The following HDAC4 variants were observed in gnomAD, a reference collection of about 807,000 sequenced individuals.
HDAC4 encodes histone deacetylase 4.
In HDAC4, 16 loss-of-function variants were observed where a neutral mutation model predicts 135.1. The ratio of observed to expected loss-of-function variants is 0.12; its 90% CI spans 0.08 to 0.18. HDAC4 has a LOEUF of 0.18. Among genes scored for constraint, HDAC4 ranks in the 10% least tolerant of loss-of-function variants. The pLI, the probability that HDAC4 is intolerant of heterozygous loss-of-function variation, is 1.00. For missense variants in HDAC4, 1,143 were observed against 1,511.8 expected, an observed-to-expected ratio of 0.76 and a Z score of 4.05; for synonymous variants, 685 against 653.4, an observed-to-expected ratio of 1.05 and a Z score of -0.74.
chr2:239,161,213 T>A (rs943321573), intron 6 of HDAC4, among the ~76,000 whole-genome samples: 3 of 152,224 alleles, frequency 2.0e-5, no homozygotes, highest in Admixed American at 1.3e-4. Context: ...ATATACGCAT[T>A]GTGAATATTT....
chr2:239,270,292 G>A (rs1330186439), intron 2 of HDAC4, among the ~76,000 whole-genome samples: 2 of 152,218 alleles, frequency 1.3e-5, no homozygotes, highest in Non-Finnish European at 2.9e-5. Context: ...ACCTTGGAGA[G>A]GGAAATTCTG....
At chr2:239,125,351 G>T (rs533003070) in intron 12 of HDAC4, among the ~76,000 whole-genome samples, 1 of 152,092 alleles carries the variant, frequency 6.6e-6, no homozygotes, top group African/African-American at 2.4e-5. Context: ...TGATGTGCCC[G>T]CTCCCCCTTC....
intron 24 of HDAC4, 120 bp from the exon 25 acceptor site, chr2:239,054,953 C>A: frequency 1.3e-6 from 1 of 759,858 alleles, no homozygotes. Flanking sequence ...TGCATTTGCC[C>A]ACAGAGTAGA....
chr2:239,250,052 C>T (rs781182858), intron 2 of HDAC4, among the ~76,000 whole-genome samples: 6 of 152,230 alleles, frequency 3.9e-5, no homozygotes, highest in Non-Finnish European at 5.9e-5. Flanking sequence ...GGAGGCCCAG[C>T]GCAGCATCCT....
At chr2:239,209,325 C>G (rs190601102) in intron 3 of HDAC4, among the ~76,000 whole-genome samples, 220 of 152,296 alleles carry the variant, frequency 1.4e-3, no homozygotes, top group African/African-American at 5.1e-3. Context: ...ATCTTAAAAG[C>G]TGAATATAAA....
In HDAC4 at chr2:239,120,265, G is replaced by A. The variant is rs558084224; in HGVS notation, c.1534-4955C>T. 5.3e-5 allele frequency among the ~76,000 whole-genome samples: 8 copies of A among 152,262 alleles called. No homozygotes were observed. In the South Asian group the frequency reaches 1.5e-3, roughly 28 times the overall value. The stretch of plus-strand genomic sequence containing the variant: ...AGCACAGAGGAGCTACGCAGAGCTG[G>A]GGAGCTGAAGAAACAGGGATGAGGC... On this transcript the variant is annotated intron_variant, in intron 12 of 26. Transcript: ENST00000543185.
chr2:239,163,713 A>T, intron 6 of HDAC4, 90 bp downstream of exon 6: 2 of 1,333,744 alleles, frequency 1.5e-6, no homozygotes, highest in South Asian at 2.3e-5. Flanking sequence ...CCTCCGGTGA[A>T]GAGCTGGCTC....
At chr2:239,224,293 G>T (rs56384564) in intron 3 of HDAC4, among the ~76,000 whole-genome samples, 19,656 of 152,090 alleles carry the variant, frequency 0.13, 1,368 homozygotes, top group African/African-American at 0.15. Flanking sequence ...CCACTGCCTG[G>T]GTTGCTCCCA....
chr2:239,183,124 T>C (rs972378148), intron 4 of HDAC4, among the ~76,000 whole-genome samples: 1 of 152,230 alleles, frequency 6.6e-6, no homozygotes, highest in African/African-American at 2.4e-5. Flanking sequence ...ACCTCATTCT[T>C]CTAAGAAAAG....
intron 24 of HDAC4, among the ~76,000 whole-genome samples, chr2:239,065,153 C>T (rs934671093): frequency 6.6e-6 from 1 of 152,224 alleles, no homozygotes; most frequent in African/African-American, 2.4e-5. Context: ...CCTGGGATGG[C>T]TGCAGTCCCT....
At chr2:239,265,850 G>A (rs1284021640) in intron 2 of HDAC4, among the ~76,000 whole-genome samples, 2 of 152,258 alleles carry the variant, frequency 1.3e-5, no homozygotes, top group East Asian at 1.9e-4. Context: ...GAATGGGAAT[G>A]CGGGAACCAT....
chr2:239,345,610 C>A (rs62182135), intron 2 of HDAC4, among the ~76,000 whole-genome samples: 35,930 of 151,236 alleles, frequency 0.24, 5,022 homozygotes, highest in Non-Finnish European at 0.33. Context: ...CATACACACA[C>A]CCTAACACAC....
At chr2:239,212,056 C>T (rs748542635) in intron 3 of HDAC4, among the ~76,000 whole-genome samples, 1 of 152,206 alleles carries the variant, frequency 6.6e-6, no homozygotes, top group Non-Finnish European at 1.5e-5. Flanking sequence ...GAAGACTTTG[C>T]TCTAATGTGA....
At chr2:239,117,295 A>C (rs1046444825) in intron 12 of HDAC4, among the ~76,000 whole-genome samples, 3 of 152,186 alleles carry the variant, frequency 2.0e-5, no homozygotes, top group African/African-American at 7.2e-5. Flanking sequence ...GCCCTGCTGC[A>C]GACAGGCCAG....
chr2:239,275,497 A>C (rs1408233594), intron 2 of HDAC4, among the ~76,000 whole-genome samples: 1 of 152,206 alleles, frequency 6.6e-6, no homozygotes, highest in Non-Finnish European at 1.5e-5. Flanking sequence ...ATGTGATGGC[A>C]GTGGCGATGT....
chr2:239,120,515 A>T (rs974190550), intron 12 of HDAC4, among the ~76,000 whole-genome samples: 6 of 151,010 alleles, frequency 4.0e-5, no homozygotes, highest in Non-Finnish European at 3.0e-5. Flanking sequence ...AGGCACACAG[A>T]GACAAGGAGA....
intron 2 of HDAC4, among the ~76,000 whole-genome samples, chr2:239,253,055 C>T (rs1324798760): frequency 2.0e-5 from 3 of 152,208 alleles, no homozygotes; most frequent in African/African-American, 4.8e-5. Flanking sequence ...AACACACATT[C>T]CCATCACACT....
chr2:239,292,531 G>A (rs2051587181), intron 2 of HDAC4, among the ~76,000 whole-genome samples: 1 of 152,152 alleles, frequency 6.6e-6, no homozygotes. Context: ...GGGCATACTT[G>A]GCAGGGCCCA....
chr2:239,153,507 T>C (rs751446251), intron 7 of HDAC4, among the ~76,000 whole-genome samples: 1 of 152,180 alleles, frequency 6.6e-6, no homozygotes, highest in Admixed American at 6.5e-5. Context: ...TGTTTGAAAG[T>C]AGATGTCAAG....
Sources: gnomAD v4.1 joint callset for allele counts (sites outside exome capture counted in the v4.1 genomes callset) on GRCh38, gnomAD v4.1.1 for gene constraint, MANE v1.5 for transcripts, NCBI Gene and HGNC (gene_info 2026-07-23, HGNC 2026-07-21) for gene names.